Variants in GTF2E2 observed in about 807,000 individuals in gnomAD.
GTF2E2 encodes general transcription factor IIE subunit 2.
In GTF2E2, 21 loss-of-function variants were observed where a neutral mutation model predicts 40.5. That is an observed-to-expected ratio of 0.52 (90% CI 0.37 to 0.75). GTF2E2 has a LOEUF of 0.75. GTF2E2 is among the 30% of genes least tolerant of loss of function. GTF2E2 has a pLI of 0.00. For synonymous variants in GTF2E2, 117 were observed against 121.6 expected, an observed-to-expected ratio of 0.96 and a Z score of 0.25; for missense variants, 298 against 338.4, an observed-to-expected ratio of 0.88 and a Z score of 0.94.
chr8:30,616,243 C>T (rs1466008971), intron 3 of GTF2E2, among the ~76,000 whole-genome samples: 2 of 152,016 alleles, frequency 1.3e-5, no homozygotes, highest in Non-Finnish European at 2.9e-5. Context: ...CGAGACCATC[C>T]TGGCCAACAT....
At chr8:30,609,572 A>C (rs1309399757) in intron 5 of GTF2E2, among the ~76,000 whole-genome samples, 1 of 152,206 alleles carries the variant, frequency 6.6e-6, no homozygotes, top group Non-Finnish European at 1.5e-5. Context: ...TACTACCCAA[A>C]GTTACCTATT....
Position 30,612,300 on chromosome 8 carries a change from T to A in GTF2E2, c.548A>T (p.Lys183Met), listed in dbSNP as rs2978277. 1 of 1,585,610 alleles carries A rather than the reference T, an allele frequency of 6.3e-7. No homozygotes were observed. The highest frequency in any genetic ancestry group is 8.7e-7 in the Non-Finnish European group (1 of 1,155,632). Residue 183 changes from lysine (K) to methionine (M), a missense_variant and splice_region_variant, in exon 5 of 8, where the codon AAG (lysine) becomes ATG (methionine). Coordinates refer to ENST00000355904, the MANE Select transcript of GTF2E2 (RefSeq NM_002095.6). ...ACATAGAAAGAAAAGAGAGATTACC[T>A]TGACAGCTTTCTGGGAATTGGGCAG... ...EALPNSQKAVKALGDQILFVN... is the reference protein window; with the variant it reads ...EALPNSQKAVMALGDQILFVN...
At chr8:30,601,838 C>T (rs527924258) in intron 6 of GTF2E2, among the ~76,000 whole-genome samples, 2 of 152,236 alleles carry the variant, frequency 1.3e-5, no homozygotes, top group East Asian at 1.9e-4. Context: ...TACCAAGAAT[C>T]CTTTACCACT....
At chr8:30,628,763 C>T (rs547259528) in intron 3 of GTF2E2, among the ~76,000 whole-genome samples, 2 of 152,200 alleles carry the variant, frequency 1.3e-5, no homozygotes, top group East Asian at 3.9e-4. Flanking sequence ...AACCTCATCT[C>T]TACTAAAAAT....
rs990287108 is a variant in GTF2E2 at position 30,654,103 on chromosome 8, A to G, written c.-4-501T>C. Among the ~76,000 whole-genome samples, 232 of 151,362 alleles carry G rather than the reference A, an allele frequency of 1.5e-3. 2 individuals carry two copies. Among genetic ancestry groups the G allele is most frequent in the South Asian group, 0.012 (55 of 4,770 alleles). The stretch of plus-strand genomic sequence containing the variant: ...GACCCTTGTTCAAAAAAAAAAAAAA[A>G]AAAGAAAGAAAGAAAAGAAACAGAA... On this transcript the variant is annotated intron_variant, in intron 1 of 7. Transcript: ENST00000355904.
chr8:30,612,539 A>ATC (rs1829507376), intron 4 of GTF2E2, 58 bp from the exon 5 acceptor site: 1 of 1,014,702 alleles, frequency 9.9e-7, no homozygotes, highest in Non-Finnish European at 1.4e-6. Context: ...ATATATATAT[A>ATC]TTTTTGAAAC....
At chr8:30,601,340 G>C (rs73574196) in intron 6 of GTF2E2, among the ~76,000 whole-genome samples, 1,702 of 152,256 alleles carry the variant, frequency 0.011, 35 homozygotes, top group African/African-American at 0.039. Context: ...GAAAACAGTG[G>C]GTCTCAATCT....
At chr8:30,637,130 G>C (rs1801628957) in intron 2 of GTF2E2, 1 of 433,936 alleles carries the variant, frequency 2.3e-6, no homozygotes, top group African/African-American at 2.0e-5. Flanking sequence ...TGTAAACCCT[G>C]TAATAAACAG....
chr8:30,628,863 G>A (rs896128336), intron 3 of GTF2E2, among the ~76,000 whole-genome samples: 58 of 151,780 alleles, frequency 3.8e-4, no homozygotes, highest in African/African-American at 7.5e-4. Context: ...CCCGGGAGGC[G>A]GAGGTTACGG....
intron 5 of GTF2E2, 68 bp from the exon 6 acceptor site, chr8:30,607,218 T>G (rs1018629738): frequency 1.1e-5 from 7 of 623,296 alleles, no homozygotes; most frequent in East Asian, 2.8e-5. Flanking sequence ...AAAAAAAAAT[T>G]TAAACAATAA....
chr8:30,609,277 AAAAGAG>A (rs1476045881), intron 5 of GTF2E2, among the ~76,000 whole-genome samples: 10 of 102,668 alleles, frequency 9.7e-5, no homozygotes, highest in Non-Finnish European at 1.5e-4. Context: ...AAAAAAAAAA[AAAAGAG>A]AAAGAAAGAA....
chr8:30,622,734 T>C lies in GTF2E2; in HGVS notation c.259-8019A>G, dbSNP rs903953603. ...GACCTACCCCCAGGCACGTATTTGCTTTCTCAGGGATGCTCCTTGCTGAGA... is the reference window on the plus strand; with the variant it reads ...GACCTACCCCCAGGCACGTATTTGCCTTCTCAGGGATGCTCCTTGCTGAGA... On this transcript the variant is annotated intron_variant, in intron 3 of 7. Transcript: ENST00000355904. 2.6e-5 allele frequency among the ~76,000 whole-genome samples: 4 copies of C among 152,062 alleles called. No individual in the cohort carries two copies. The East Asian group carries it at 7.7e-4, about 29-fold the overall frequency.
rs1030348546 is a variant in GTF2E2, at chr8:30,632,240, C to T, written c.258+2792G>A. On this transcript the variant is annotated intron_variant, in intron 3 of 7. Coordinates refer to ENST00000355904, the MANE Select transcript of GTF2E2 (RefSeq NM_002095.6). ...ATGTTTAAATTATTACAAAAATTGA[C>T]AAATTACTGTAATTCTTTTTCAGTC... 2.6e-5 allele frequency among the ~76,000 whole-genome samples: 4 copies of T among 152,190 alleles called. No individual in the cohort carries two copies. The South Asian group carries it at 8.3e-4, about 31-fold the overall frequency.
chr8:30,645,854 C>T (rs16877238), intron 2 of GTF2E2: 116,697 of 354,522 alleles, frequency 0.33, 19,510 homozygotes, highest in African/African-American at 0.4. Context: ...ATAAAAGATT[C>T]CTAGAGTTCA....
chr8:30,606,675 G>A (rs1260527632), intron 6 of GTF2E2, among the ~76,000 whole-genome samples: 1 of 152,118 alleles, frequency 6.6e-6, no homozygotes, highest in Non-Finnish European at 1.5e-5. Flanking sequence ...AGATTCATAA[G>A]ATAAGAGAAC....
chr8:30,629,766 A>T (rs962863766), intron 3 of GTF2E2, among the ~76,000 whole-genome samples: 1 of 152,006 alleles, frequency 6.6e-6, no homozygotes. Context: ...AAGGGGCCCA[A>T]GAATTTGCAT....
chr8:30,644,297 T>C (rs577247640), intron 2 of GTF2E2, among the ~76,000 whole-genome samples: 2 of 152,280 alleles, frequency 1.3e-5, no homozygotes, highest in Non-Finnish European at 2.9e-5. Flanking sequence ...ACTGATACCT[T>C]TGGGAGGGCT....
intron 6 of GTF2E2, chr8:30,585,229 A>G (rs1049058340): frequency 6.6e-6 from 1 of 152,268 alleles, no homozygotes; most frequent in Non-Finnish European, 1.5e-5. Context: ...TACCTGCCTC[A>G]TAGAATAGTG....
In GTF2E2 at chr8:30,580,531, G is replaced by A. The variant is rs943187996; in HGVS notation, c.644-135C>T. The stretch of plus-strand genomic sequence containing the variant: ...TGATATGTCATCATGAAACAAGTCA[G>A]GGCAGAACATCCACATGTGGGACAC... On this transcript the variant is annotated intron_variant, in intron 6 of 7. Transcript: ENST00000355904. The A allele has an allele frequency of 8.0e-6, 5 of 627,722 alleles. No homozygotes were observed. The African/African-American group carries it at 9.2e-5, about 11-fold the overall frequency. 38.9% of individuals were successfully genotyped at this position (627,722 alleles called of 1,614,324 possible).
Sources: gnomAD v4.1 joint callset for allele counts (sites outside exome capture counted in the v4.1 genomes callset) on GRCh38, gnomAD v4.1.1 for gene constraint, MANE v1.5 for transcripts, NCBI Gene and HGNC (gene_info 2026-07-23, HGNC 2026-07-21) for gene names.